The following CASP9 variants were observed in gnomAD, a reference collection of about 807,000 sequenced individuals.
CASP9 encodes caspase-9.
Under a neutral mutation model 43.5 loss-of-function variants are expected in CASP9, and 29 were observed. That is an observed-to-expected ratio of 0.67 (90% CI 0.50 to 0.91). The LOEUF (loss-of-function observed/expected upper bound fraction) is 0.91, where lower values mean the gene tolerates loss of function less well. Ranked by LOEUF, CASP9 falls within the 40% of genes least tolerant of loss-of-function variation. CASP9 has a pLI of 0.00. For missense variants in CASP9, 575 were observed against 537.4 expected, an observed-to-expected ratio of 1.07 and a Z score of -0.69; for synonymous variants, 206 against 211.9, an observed-to-expected ratio of 0.97 and a Z score of 0.24.
rs567886699 is a variant in CASP9 at position 15,512,216 on chromosome 1, AG to A, written c.419-4310del. Reference sequence around the variant, plus strand: ...ACCCAGGCAAGGCATGAGCAGAGAAAGCCACTGATGGTTGAGTTCACAGGTC... The same window carrying A: ...ACCCAGGCAAGGCATGAGCAGAGAAACCACTGATGGTTGAGTTCACAGGTC... On this transcript the variant is annotated intron_variant, in intron 2 of 8. Transcript: ENST00000333868. Among the ~76,000 whole-genome samples the A allele has an allele frequency of 9.7e-4, 148 of 152,356 alleles. 1 individual carries two copies. The highest frequency in any genetic ancestry group is 3.5e-3 in the African/African-American group (146 of 41,580).
Position 15,507,034 on chromosome 1 carries a change from A to G in CASP9, c.495T>C (p.Ile165=). 1.2e-6 allele frequency: 2 copies of G among 1,614,174 alleles called. No homozygotes were observed. The highest frequency in any genetic ancestry group is 1.7e-6 in the Non-Finnish European group (2 of 1,180,026). The stretch of plus-strand genomic sequence containing the variant: ...CACGGCAGAAGTTCACATTGTTGAT[A>G]ATGAGGCAGTGGCCACAGGGCTCCA... ...LSMEPCGHCL[I]INNVNFCRES... is the part of the protein sequence containing the mutation. The change falls in exon 4 of 9, where the codon ATT becomes ATC. Residue 165 remains isoleucine (I), a synonymous_variant. Coordinates refer to ENST00000333868, the MANE Select transcript of CASP9 (RefSeq NM_001229.5).
intron 1 of CASP9, among the ~76,000 whole-genome samples, chr1:15,519,590 G>C (rs1710098449): frequency 6.6e-6 from 1 of 152,168 alleles, no homozygotes; most frequent in African/African-American, 2.4e-5. Context: ...CAGATCAGGA[G>C]GCAGCAAAGA....
intron 3 of CASP9, 188 bp downstream of exon 3, chr1:15,507,685 G>A: frequency 4.9e-6 from 3 of 610,844 alleles, no homozygotes; most frequent in Non-Finnish European, 8.8e-6. Flanking sequence ...AGATGAGGAA[G>A]CGCAGAGATG....
chr1:15,505,894 G>C (rs1709499711), intron 5 of CASP9, 96 bp downstream of exon 5: 9 of 970,468 alleles, frequency 9.3e-6, no homozygotes, highest in Admixed American at 1.8e-5. Flanking sequence ...CAAAGCCAAG[G>C]GTGTTTTGGA....
intron 1 of CASP9, among the ~76,000 whole-genome samples, chr1:15,522,423 G>A (rs748065023): frequency 2.0e-5 from 3 of 152,226 alleles, no homozygotes; most frequent in African/African-American, 7.2e-5. Flanking sequence ...TCTTTTTTAA[G>A]ATGTGAAAGC....
intron 6 of CASP9, among the ~76,000 whole-genome samples, chr1:15,499,026 C>T (rs1375434960): frequency 2.6e-5 from 4 of 152,108 alleles, no homozygotes; most frequent in Non-Finnish European, 5.9e-5. Context: ...CGTGAGCCAC[C>T]GCCCCTGGCC....
intron 6 of CASP9, among the ~76,000 whole-genome samples, chr1:15,502,692 G>A (rs4233533): frequency 0.29 from 43,587 of 152,086 alleles, 6,793 homozygotes; most frequent in East Asian, 0.57. Context: ...CCCTGCTGTT[G>A]AGACTGAGAC....
rs144381241 is a variant in CASP9 at position 15,513,449 on chromosome 1, A to G, written c.418+4661T>C. ...ACAAGGCATCACGTCTGAAACTAAGAAAGTTCCTTCCATTCTGAAGGAAAA... is the reference window on the plus strand; with the variant it reads ...ACAAGGCATCACGTCTGAAACTAAGGAAGTTCCTTCCATTCTGAAGGAAAA... On this transcript the variant is annotated intron_variant, in intron 2 of 8. Transcript: ENST00000333868. 2.0e-3 allele frequency among the ~76,000 whole-genome samples: 299 copies of G among 152,272 alleles called. 7 individuals carry two copies. The highest frequency in any genetic ancestry group is 1.9e-3 in the Non-Finnish European group (132 of 68,030).
At chr1:15,515,613 T>G (rs554587585) in intron 2 of CASP9, among the ~76,000 whole-genome samples, 2 of 152,208 alleles carry the variant, frequency 1.3e-5, no homozygotes, top group Non-Finnish European at 2.9e-5. Flanking sequence ...ACTACTGATA[T>G]GCACAACAAT....
chr1:15,506,928 C>A lies in CASP9; in HGVS notation c.601G>T (p.Val201Leu). ...RRRFSSLHFM[V>L]EVKGDLTAKK... ...GCAGTCAGGTCGCCCTTCACCTCCA[C>A]CATGAAATGCAGCGAGGAGAAGCGA... Residue 201 changes from valine to leucine, a missense_variant, in exon 4 of 9, where the codon GTG becomes TTG. Physicochemically the swap from Val to Leu is conservative, Grantham distance 32. Transcript: ENST00000333868. 3 of 1,614,108 alleles carry A rather than the reference C, an allele frequency of 1.9e-6. No individual in the cohort carries two copies. Among genetic ancestry groups the A allele is most frequent in the Non-Finnish European group, 1.7e-6 (2 of 1,179,980 alleles).
intron 8 of CASP9, chr1:15,493,395 C>T (rs1049698571): frequency 5.7e-6 from 7 of 1,228,340 alleles, no homozygotes; most frequent in Non-Finnish European, 7.1e-6. Flanking sequence ...GAGGAAGCAA[C>T]TGCTCTGAGT....
At position 15,524,102 on chromosome 1, in the gene CASP9, C is replaced by T. The variant is rs1403937768; in HGVS notation, c.99G>A (p.Glu33=). The T allele has an allele frequency of 1.9e-6, 3 of 1,540,690 alleles. No individual in the cohort carries two copies. The highest frequency in any genetic ancestry group is 1.4e-5 in the African/African-American group (1 of 72,220). Residue 33 remains glutamate (E), a synonymous_variant, in exon 1 of 9, where the codon GAG becomes GAA. Transcript: ENST00000333868. Reference sequence around the variant, plus strand: ...CCTCGATCATATGGGGCCTGAACAGCTCGCGGCTCAGCAGGGCGTCCCAGA... The same window carrying T: ...CCTCGATCATATGGGGCCTGAACAGTTCGCGGCTCAGCAGGGCGTCCCAGA... ...DQLWDALLSR[E]LFRPHMIEDI...
chr1:15,494,859 T>G (rs866132995), intron 7 of CASP9, among the ~76,000 whole-genome samples: 6 of 73,616 alleles, frequency 8.2e-5, no homozygotes, highest in African/African-American at 5.7e-4. Flanking sequence ...CGAGATTCCA[T>G]CTCAAAAAAA....
chr1:15,503,940 T>C (rs1184232056), intron 6 of CASP9, among the ~76,000 whole-genome samples: 3 of 152,196 alleles, frequency 2.0e-5, no homozygotes, highest in Admixed American at 2.0e-4. Context: ...GAAAATCAGA[T>C]AACACTGTAA....
At chr1:15,524,564 C>T, upstream of CASP9, 7 of 582,656 alleles carry the variant, frequency 1.2e-5, no homozygotes, top group Non-Finnish European at 1.4e-5. Flanking sequence ...CAGAACCCGC[C>T]CCGTATCCCC....
intron 2 of CASP9, among the ~76,000 whole-genome samples, chr1:15,508,852 A>G (rs1254102523): frequency 1.3e-5 from 2 of 152,252 alleles, no homozygotes; most frequent in Non-Finnish European, 2.9e-5. Flanking sequence ...AGATATACTC[A>G]GCAAAGAGGC....
In CASP9 at chr1:15,492,778, A is replaced by G. The variant is rs1438078336; in HGVS notation, c.*165T>C. ...CTCCACTGTTCAGCACTTGTCGTCAATCTGGAAGCTGCTAAGAGCCTGTCT... is the reference window on the plus strand; with the variant it reads ...CTCCACTGTTCAGCACTTGTCGTCAGTCTGGAAGCTGCTAAGAGCCTGTCT... On this transcript the variant is annotated 3_prime_UTR_variant, in exon 9 of 9. Transcript: ENST00000333868. 1 of 946,406 alleles carries G rather than the reference A, an allele frequency of 1.1e-6. No homozygotes were observed. Among genetic ancestry groups the G allele is most frequent in the African/African-American group, 1.6e-5 (1 of 60,986 alleles). 58.6% of individuals were successfully genotyped at this position (946,406 alleles called of 1,614,324 possible). A position where few individuals can be genotyped will look rare whatever the true frequency, so the allele number is the denominator to read the frequency against.
chr1:15,523,497 C>A (rs1710297679), intron 1 of CASP9, among the ~76,000 whole-genome samples: 1 of 152,194 alleles, frequency 6.6e-6, no homozygotes, highest in South Asian at 2.1e-4. Context: ...AAATGGAGAC[C>A]AACCATGAAG....
chr1:15,524,290 A>G, upstream of CASP9: 1 of 1,221,964 alleles, frequency 8.2e-7, no homozygotes, highest in Non-Finnish European at 1.0e-6. Flanking sequence ...CCCCCGCCCC[A>G]GGGCCTGCCC....
Sources: gnomAD v4.1 joint callset for allele counts (sites outside exome capture counted in the v4.1 genomes callset) on GRCh38, gnomAD v4.1.1 for gene constraint, MANE v1.5 for transcripts, NCBI Gene and HGNC (gene_info 2026-07-23, HGNC 2026-07-21) for gene names.